Variants in PRKCE observed in about 807,000 individuals in gnomAD.
PRKCE encodes the protein protein kinase C epsilon.
In PRKCE, 16 loss-of-function variants were observed where a neutral mutation model predicts 85.4. The ratio of observed to expected loss-of-function variants is 0.19; its 90% CI spans 0.13 to 0.28. The LOEUF (loss-of-function observed/expected upper bound fraction) is 0.28, where lower values mean the gene tolerates loss of function less well. Ranked by LOEUF, PRKCE falls within the 10% of genes least tolerant of loss-of-function variation. The pLI, the probability that PRKCE is intolerant of heterozygous loss-of-function variation, is 1.00. For synonymous variants in PRKCE, 388 were observed against 371.5 expected, an observed-to-expected ratio of 1.04 and a Z score of -0.51; for missense variants, 573 against 975.2, an observed-to-expected ratio of 0.59 and a Z score of 5.49.
intron 1 of PRKCE, among the ~76,000 whole-genome samples, chr2:45,677,656 A>C (rs1676582108): frequency 6.6e-6 from 1 of 152,228 alleles, no homozygotes; most frequent in African/African-American, 2.4e-5. Flanking sequence ...TAACCTGATC[A>C]GATTCAAATT....
Position 45,955,397 on chromosome 2 carries a change from G to A in PRKCE, c.413-21032G>A, listed in dbSNP as rs528439285. 5.7e-4 allele frequency among the ~76,000 whole-genome samples: 87 copies of A among 152,248 alleles called. 1 individual carries two copies. The South Asian group carries it at 0.017, about 30-fold the overall frequency. ...AAAAACATGGGAGGAAGAATGAAAG[G>A]CCCGTAGCATAAAAGTAGAACCAGA... On this transcript the variant is annotated intron_variant, in intron 2 of 14. Transcript: ENST00000306156.
chr2:45,726,645 A>T (rs762718486), intron 1 of PRKCE, among the ~76,000 whole-genome samples: 2 of 152,242 alleles, frequency 1.3e-5, no homozygotes, highest in East Asian at 3.8e-4. Context: ...TTGCTTTATT[A>T]TAGTTATCTG....
intron 10 of PRKCE, among the ~76,000 whole-genome samples, chr2:46,077,751 T>C (rs1205220617): frequency 6.6e-6 from 1 of 152,246 alleles, no homozygotes; most frequent in African/African-American, 2.4e-5. Context: ...TCTTTCATTC[T>C]GTATGAATTG....
intron 1 of PRKCE, among the ~76,000 whole-genome samples, chr2:45,719,557 A>T (rs1200184538): frequency 4.6e-5 from 7 of 152,162 alleles, no homozygotes; most frequent in Admixed American, 3.9e-4. Context: ...GACTGGATGG[A>T]TAGTGGGTCA....
At position 45,909,898 on chromosome 2, in the gene PRKCE, T is replaced by C. The variant is rs75904833; in HGVS notation, c.413-66531T>C. 4.1e-3 allele frequency among the ~76,000 whole-genome samples: 626 copies of C among 152,346 alleles called. 3 individuals carry two copies. The highest frequency in any genetic ancestry group is 6.8e-3 in the Middle Eastern group (2 of 294). On this transcript the variant is annotated intron_variant, in intron 2 of 14. Coordinates refer to ENST00000306156, the MANE Select transcript of PRKCE (RefSeq NM_005400.3). ...TTTTCCCCAAACCTTATTTAGGCTCTAGTTCCACATGCTGCTTGGGGTTGC... is the reference window on the plus strand; with the variant it reads ...TTTTCCCCAAACCTTATTTAGGCTCCAGTTCCACATGCTGCTTGGGGTTGC...
chr2:45,859,284 T>C (rs1263904334), intron 2 of PRKCE, among the ~76,000 whole-genome samples: 2 of 152,114 alleles, frequency 1.3e-5, no homozygotes, highest in African/African-American at 4.8e-5. Flanking sequence ...AGGACAATAG[T>C]ATATTATGGG....
At chr2:45,706,420 C>T (rs1679119266) in intron 1 of PRKCE, among the ~76,000 whole-genome samples, 1 of 152,158 alleles carries the variant, frequency 6.6e-6, no homozygotes, top group Admixed American at 6.5e-5. Context: ...TCTCTGAATC[C>T]TCCCTGCCCT....
At chr2:46,059,161 G>T (rs1666881045) in intron 10 of PRKCE, among the ~76,000 whole-genome samples, 1 of 151,852 alleles carries the variant, frequency 6.6e-6, no homozygotes, top group Admixed American at 6.6e-5. Flanking sequence ...TGAGCCATGA[G>T]GATCACTAGC....
intron 9 of PRKCE, among the ~76,000 whole-genome samples, chr2:46,009,167 G>A (rs1451077843): frequency 3.9e-5 from 6 of 152,134 alleles, no homozygotes; most frequent in Admixed American, 1.3e-4. Flanking sequence ...AAGGAATCAC[G>A]TTTCCAGCTT....
At chr2:45,963,865 T>G (rs1329835195) in intron 2 of PRKCE, among the ~76,000 whole-genome samples, 7 of 152,240 alleles carry the variant, frequency 4.6e-5, no homozygotes, top group Non-Finnish European at 4.4e-5. Context: ...AGAAGGAGTT[T>G]GAGGAACTAA....
intron 1 of PRKCE, among the ~76,000 whole-genome samples, chr2:45,688,538 G>T (rs181048185): frequency 2.0e-5 from 3 of 152,256 alleles, no homozygotes; most frequent in Non-Finnish European, 4.4e-5. Context: ...AAAATGAAAA[G>T]AATTTAACTT....
chr2:46,044,648 C>G (rs924020075), intron 10 of PRKCE, among the ~76,000 whole-genome samples: 1 of 152,154 alleles, frequency 6.6e-6, no homozygotes, highest in Non-Finnish European at 1.5e-5. Flanking sequence ...CTGTAGAAAC[C>G]TGGAATGCTC....
At position 45,748,909 on chromosome 2, in the gene PRKCE, A is replaced by G. The variant is rs1683340288; in HGVS notation, c.349-94091A>G. Among the ~76,000 whole-genome samples, 6 of 144,728 alleles carry G rather than the reference A, an allele frequency of 4.1e-5. No homozygotes were observed. In the South Asian group the frequency reaches 1.3e-3, roughly 31 times the overall value. The allele number at this position is 144,728 out of a possible 152,430, so 94.9% of individuals were successfully genotyped here. A position where few individuals can be genotyped will look rare whatever the true frequency, so the allele number is the denominator to read the frequency against. ...AACAGGATTTTTTTTTTTTTTTCTC[A>G]GACTGAGTCTTGCTGTGTAGCCCAG... On this transcript the variant is annotated intron_variant, in intron 1 of 14. Transcript: ENST00000306156.
intron 11 of PRKCE, among the ~76,000 whole-genome samples, chr2:46,093,528 TTC>T (rs1395295619): frequency 2.2e-5 from 2 of 92,028 alleles, no homozygotes; most frequent in African/African-American, 4.3e-5. Context: ...TATTGTACTT[TTC>T]TTTTTTTTTT....
At chr2:46,115,722 A>G (rs998586288) in intron 11 of PRKCE, among the ~76,000 whole-genome samples, 9 of 152,190 alleles carry the variant, frequency 5.9e-5, no homozygotes, top group Non-Finnish European at 1.3e-4. Context: ...TGGAAGCAAG[A>G]TTCAGAGGTA....
At chr2:45,716,559 AAAAGAAAGAAAGGAAG>A (rs1198305745) in intron 1 of PRKCE, among the ~76,000 whole-genome samples, 1 of 150,004 alleles carries the variant, frequency 6.7e-6, no homozygotes, top group East Asian at 1.9e-4. Context: ...GAAAGGAAGA[AAAAGAAAGAAAGGAAG>A]AAAGGAAGAA....
At chr2:45,758,871 A>C (rs1013642848) in intron 1 of PRKCE, among the ~76,000 whole-genome samples, 1 of 152,088 alleles carries the variant, frequency 6.6e-6, no homozygotes, top group Non-Finnish European at 1.5e-5. Flanking sequence ...CAGCCTCCTC[A>C]CCTGTAAAGT....
intron 1 of PRKCE, among the ~76,000 whole-genome samples, chr2:45,730,075 C>T (rs1681432170): frequency 6.6e-6 from 1 of 152,212 alleles, no homozygotes; most frequent in Admixed American, 6.5e-5. Context: ...AGAAACCACA[C>T]ATTAGCAGGG....
At chr2:45,729,346 G>C (rs1189968351) in intron 1 of PRKCE, among the ~76,000 whole-genome samples, 1 of 152,200 alleles carries the variant, frequency 6.6e-6, no homozygotes, top group East Asian at 1.9e-4. Flanking sequence ...GCTCAAGCCT[G>C]TGTCTTCTTA....
Sources: gnomAD v4.1 joint callset for allele counts (sites outside exome capture counted in the v4.1 genomes callset) on GRCh38, gnomAD v4.1.1 for gene constraint, MANE v1.5 for transcripts, NCBI Gene and HGNC (gene_info 2026-07-23, HGNC 2026-07-21) for gene names.